CCDC88B: variants seen among roughly 807,000 people sequenced by gnomAD.
The protein encoded by CCDC88B is coiled-coil domain-containing protein 88B.
In CCDC88B, 138 loss-of-function variants were observed where a neutral mutation model predicts 183.7. The ratio of observed to expected loss-of-function variants is 0.75; its 90% CI spans 0.65 to 0.87. The LOEUF is 0.87. Among genes scored for constraint, CCDC88B ranks in the 40% least tolerant of loss-of-function variants. The pLI is 0.00. For missense variants in CCDC88B, 1,822 were observed against 1,965.6 expected, an observed-to-expected ratio of 0.93 and a Z score of 1.38; for synonymous variants, 835 against 867.5, an observed-to-expected ratio of 0.96 and a Z score of 0.66.
At chr11:64,351,829 C>T (rs1468914759) in intron 18 of CCDC88B, among the ~76,000 whole-genome samples, 3 of 152,134 alleles carry the variant, frequency 2.0e-5, no homozygotes, top group Non-Finnish European at 2.9e-5. Context: ...CCCACATCTA[C>T]ACCCATGTCG....
Position 64,343,504 on chromosome 11 carries a change from C to G in CCDC88B, c.1210-3C>G. 2 of 1,551,658 alleles carry G rather than the reference C, an allele frequency of 1.3e-6. No individual in the cohort carries two copies. The highest frequency in any genetic ancestry group is 1.7e-6 in the Non-Finnish European group (2 of 1,146,906). On this transcript the variant is annotated splice_region_variant and splice_polypyrimidine_tract_variant and intron_variant, in intron 11 of 26. Transcript: ENST00000356786. ...GCTTGTCTGACCCTTCCCTCACCCC[C>G]AGGAGCTGGACTCTCTGCGGCATCA...
intron 14 of CCDC88B, among the ~76,000 whole-genome samples, chr11:64,347,741 A>G (rs1267177223): frequency 6.6e-6 from 1 of 152,090 alleles, no homozygotes; most frequent in African/African-American, 2.4e-5. Flanking sequence ...CTCACTTGTA[A>G]AACTGGAATA....
In CCDC88B at chr11:64,344,742, T is replaced by A; in HGVS notation, c.2201T>A (p.Val734Glu). ...VAEQEALREE[V>E]AQLRRKAEAL... is the part of the protein sequence containing the mutation. ...GAGCAGGAGGCCCTCAGGGAGGAGGTGGCACAGTTGAGGAGAAAGGCTGAG... is the reference window on the plus strand; with the variant it reads ...GAGCAGGAGGCCCTCAGGGAGGAGGAGGCACAGTTGAGGAGAAAGGCTGAG... Residue 734 changes from valine (V) to glutamate (E), a missense_variant, in exon 14 of 27, where the codon GTG becomes GAG. Physicochemically the swap from Val to Glu is moderately radical, Grantham distance 121. Transcript: ENST00000356786. The surrounding 1 kb of genome is among the most constrained non-coding windows in gnomAD (Gnocchi z 4.5). 1 of 1,612,842 alleles carries A rather than the reference T, an allele frequency of 6.2e-7. No individual in the cohort carries two copies. Among genetic ancestry groups the A allele is most frequent in the Non-Finnish European group, 8.5e-7 (1 of 1,179,716 alleles).
chr11:64,343,702 C>T lies in CCDC88B; in HGVS notation c.1319-76C>T, dbSNP rs556895404. 1.0e-4 allele frequency: 155 copies of T among 1,532,548 alleles called. 2 individuals carry two copies. The African/African-American group carries it at 2.0e-3, about 20-fold the overall frequency. 94.9% of individuals were successfully genotyped at this position (1,532,548 alleles called of 1,614,324 possible). A position where few individuals can be genotyped will look rare whatever the true frequency, so the allele number is the denominator to read the frequency against. ...GGGAGAGCCTCTGACTCCCTCCCTT[C>T]TCCCAAGCCTCTGGGGTGTGTATGT... is the stretch of plus-strand genomic sequence containing the variant. On this transcript the variant is annotated intron_variant, in intron 12 of 26. Coordinates refer to ENST00000356786, the MANE Select transcript of CCDC88B (RefSeq NM_032251.6).
rs377055433 is a variant in CCDC88B at position 64,349,531 on chromosome 11, G to T, written c.2745-20G>T. ...GGGCGAGGGTGGGGTGGGGCTGGGTGCTAAGGATTCTCCTGGCAGGTACCA... is the reference window on the plus strand; with the variant it reads ...GGGCGAGGGTGGGGTGGGGCTGGGTTCTAAGGATTCTCCTGGCAGGTACCA... On this transcript the variant is annotated intron_variant, in intron 15 of 26. Coordinates refer to ENST00000356786, the MANE Select transcript of CCDC88B (RefSeq NM_032251.6). 1.3e-6 allele frequency: 2 copies of T among 1,589,468 alleles called. No individual in the cohort carries two copies. Among genetic ancestry groups the T allele is most frequent in the Non-Finnish European group, 1.7e-6 (2 of 1,168,862 alleles).
In CCDC88B at chr11:64,352,327, C is replaced by T; in HGVS notation, c.3297C>T (p.His1099=). The T allele has an allele frequency of 6.5e-7, 1 of 1,549,144 alleles. No individual in the cohort carries two copies. Among genetic ancestry groups the T allele is most frequent in the Admixed American group, 2.0e-5 (1 of 51,122 alleles). ...EAELEGLLVR[H]RDLKANMRAL... ...AGCTAGAGGGACTGCTGGTGCGGCA[C>T]CGAGACCTCAAGGCCAACATGCGGG... The change falls in exon 19 of 27, where the codon CAC becomes CAT. Residue 1099 remains histidine (H), a synonymous_variant. Coordinates refer to ENST00000356786, the MANE Select transcript of CCDC88B (RefSeq NM_032251.6).
Position 64,357,248 on chromosome 11 carries a change from CG to C in CCDC88B, c.*158del. The stretch of plus-strand genomic sequence containing the variant: ...CCCTGAGATCCTCCACGGTCAGCGC[CG>C]GGGCCCGGAGATGGAGCTGGGACGA... On this transcript the variant is annotated 3_prime_UTR_variant, in exon 27 of 27. Transcript: ENST00000356786. 1 of 913,638 alleles carries C rather than the reference CG, an allele frequency of 1.1e-6. No homozygotes were observed. The highest frequency in any genetic ancestry group is 1.8e-6 in the Non-Finnish European group (1 of 558,980). 56.6% of individuals were successfully genotyped at this position (913,638 alleles called of 1,614,324 possible).
Position 64,355,207 on chromosome 11 carries a change from G to A in CCDC88B, c.4113G>A (p.Pro1371=), listed in dbSNP as rs756197946. The stretch of plus-strand genomic sequence containing the variant: ...TACCTCTTGCAGGGTCCCCTTCCCC[G>A]GCACCCATGCGCCGGGCCCAGAGCT... The part of the protein sequence containing the change: ...READGTGSPS[P]APMRRAQSSL... The change falls in exon 25 of 27, where the codon CCG becomes CCA. Residue 1371 remains proline (P), a synonymous_variant. Transcript: ENST00000356786. 25 of 1,483,990 alleles carry A rather than the reference G, an allele frequency of 1.7e-5. No individual in the cohort carries two copies. Among genetic ancestry groups the A allele is most frequent in the Middle Eastern group, 1.8e-4 (1 of 5,416 alleles). 91.9% of individuals were successfully genotyped at this position (1,483,990 alleles called of 1,614,324 possible). A position where few individuals can be genotyped will look rare whatever the true frequency, so the allele number is the denominator to read the frequency against.
In CCDC88B at chr11:64,340,316, T is replaced by G; in HGVS notation, c.50T>G (p.Leu17Arg). ...CTCAGAGACTTCCTGAGTGGGAGTC[T>G]GGCTACCTGGGTGAGGGGGCAGGTG... ...PRLRDFLSGS[L>R]ATWALGLAGL... The change falls in exon 1 of 27, where the codon CTG becomes CGG. Residue 17 changes from leucine (L) to arginine (R), a missense_variant. By Grantham distance (102) the Leu-to-Arg change is moderately radical. Transcript: ENST00000356786. 7 of 1,285,078 alleles carry G rather than the reference T, an allele frequency of 5.4e-6. No individual in the cohort carries two copies. Among genetic ancestry groups the G allele is most frequent in the Non-Finnish European group, 6.9e-6 (7 of 1,007,664 alleles). The allele number at this position is 1,285,078 out of a possible 1,614,324, so 79.6% of individuals were successfully genotyped here.
At chr11:64,349,108 C>T in intron 14 of CCDC88B, 1 of 720,378 alleles carries the variant, frequency 1.4e-6, no homozygotes, top group Non-Finnish European at 2.6e-6. Context: ...AGGGGCCTTC[C>T]TCATGCCCTG....
chr11:64,343,414 C>G (rs539116396), intron 11 of CCDC88B, 89 bp downstream of exon 11: 1 of 1,539,428 alleles, frequency 6.5e-7, no homozygotes, highest in African/African-American at 1.4e-5. Flanking sequence ...TTCTTGCAAC[C>G]TCTGCTCTTG....
At chr11:64,341,903 G>T (rs1217835141) in intron 7 of CCDC88B, 91 bp from the exon 8 acceptor site, 8 of 635,902 alleles carry the variant, frequency 1.3e-5, no homozygotes, top group African/African-American at 1.9e-5. Flanking sequence ...CAAGACCCCA[G>T]ACCACAACCC....
rs1389635675 is a variant in CCDC88B at position 64,343,614 on chromosome 11, G to A, written c.1317G>A (p.Glu439=). Residue 439 remains glutamate (E), a splice_region_variant and synonymous_variant, in exon 12 of 27, where the codon GAG becomes GAA. Transcript: ENST00000356786. ...AGCCACCTCCAGGATCCCCTGGGGAGGGTGAGGGACCCCACTGGAAGGGCT... is the reference window on the plus strand; with the variant it reads ...AGCCACCTCCAGGATCCCCTGGGGAAGGTGAGGGACCCCACTGGAAGGGCT... ...SLEPPPGSPG[E]APLAGAAPSL... 46 of 1,551,192 alleles carry A rather than the reference G, an allele frequency of 3.0e-5. No individual in the cohort carries two copies. Among genetic ancestry groups the A allele is most frequent in the Non-Finnish European group, 3.4e-5 (39 of 1,146,850 alleles).
chr11:64,351,345 G>T, intron 17 of CCDC88B, 90 bp downstream of exon 17: 3 of 1,510,430 alleles, frequency 2.0e-6, no homozygotes, highest in South Asian at 1.2e-5. Context: ...GGGGTATCCC[G>T]TGCAGTGTGA....
At position 64,352,386 on chromosome 11, in the gene CCDC88B, G is replaced by C; in HGVS notation, c.3356G>C (p.Arg1119Pro). ...CTGGCCCACCGGGAGCTGCAGGGCC[G>C]GTGAGCATCACCAAATGCCCAGCTC... The part of the protein sequence containing the change: ...LELAHRELQG[R>P]HEQLQAQRAS... Residue 1119 changes from arginine (R) to proline (P), a missense_variant and splice_region_variant, in exon 19 of 27, where the codon CGG (arginine) becomes CCG (proline). By Grantham distance (103) the Arg-to-Pro change is moderately radical. Transcript: ENST00000356786. 6.5e-7 allele frequency: 1 copy of C among 1,528,408 alleles called. No homozygotes were observed. Among genetic ancestry groups the C allele is most frequent in the Non-Finnish European group, 8.8e-7 (1 of 1,137,578 alleles). The allele number at this position is 1,528,408 out of a possible 1,614,324, so 94.7% of individuals were successfully genotyped here.
At chr11:64,340,376 A>AGG in intron 1 of CCDC88B, 50 bp downstream of exon 1, 2 of 1,199,972 alleles carry the variant, frequency 1.7e-6, no homozygotes. Flanking sequence ...AGCCCCAGCC[A>AGG]GGGGCTGGTG....
chr11:64,353,762 A>G lies in CCDC88B; in HGVS notation c.3881A>G (p.Lys1294Arg), dbSNP rs1388074186. The change falls in exon 23 of 27, where the codon AAG (lysine) becomes AGG (arginine). Residue 1294 changes from lysine to arginine, a missense_variant. Coordinates refer to ENST00000356786, the MANE Select transcript of CCDC88B (RefSeq NM_032251.6). ...LRREKQKLVEKIMDQYRVLEP... is the reference protein window; with the variant it reads ...LRREKQKLVERIMDQYRVLEP... ...CGCGAGAAGCAGAAGCTCGTGGAGA[A>G]GATCATGGACCAATACCGCGTGCTG... 1 of 1,614,088 alleles carries G rather than the reference A, an allele frequency of 6.2e-7. No individual in the cohort carries two copies. The highest frequency in any genetic ancestry group is 8.5e-7 in the Non-Finnish European group (1 of 1,179,976).
rs764269192 is a variant in CCDC88B at position 64,341,406 on chromosome 11, C to T, written c.448-15C>T. 1 of 1,614,018 alleles carries T rather than the reference C, an allele frequency of 6.2e-7. No homozygotes were observed. Among genetic ancestry groups the T allele is most frequent in the Non-Finnish European group, 8.5e-7 (1 of 1,179,996 alleles). ...GGGAGATCCTGCACCAGCTCCCCTT[C>T]CTGTCTCCCCTCAGTGTGAGCACCG... On this transcript the variant is annotated splice_polypyrimidine_tract_variant and intron_variant, in intron 5 of 26. Transcript: ENST00000356786.
chr11:64,343,197 G>C lies in CCDC88B; in HGVS notation c.1081G>C (p.Gly361Arg), dbSNP rs757725251. The C allele has an allele frequency of 2.1e-5, 33 of 1,538,364 alleles. No homozygotes were observed. Among genetic ancestry groups the C allele is most frequent in the Non-Finnish European group, 2.5e-5 (28 of 1,141,758 alleles). ...CCACCAGGAGGAGCGGGTGCTCTCG[G>C]GGGTGCTGGAGGCGTCCAAGGCGCT... is the stretch of plus-strand genomic sequence containing the variant. ...SQLEEERVLS[G>R]VLEASKALLE... Residue 361 changes from glycine (G) to arginine (R), a missense_variant, in exon 11 of 27, where the codon GGG (glycine) becomes CGG (arginine). Transcript: ENST00000356786.
Sources: allele counts gnomAD v4.1 joint callset (sites outside exome capture counted in the v4.1 genomes callset), GRCh38; gene constraint gnomAD v4.1.1; non-coding constraint Gnocchi (gnomAD v3.1); transcripts MANE v1.5; gene names NCBI Gene and HGNC (gene_info 2026-07-23, HGNC 2026-07-21).